Variants in MACROD2 observed in about 807,000 individuals in gnomAD.
MACROD2 encodes the protein mono-ADP ribosylhydrolase 2, also known as ADP-ribose glycohydrolase MACROD2.
In MACROD2, 36 loss-of-function variants were observed where a neutral mutation model predicts 70.4. The ratio of observed to expected loss-of-function variants is 0.51; its 90% CI spans 0.39 to 0.68. The LOEUF is 0.68. Among genes scored for constraint, MACROD2 ranks in the 30% least tolerant of loss-of-function variants. MACROD2 has a pLI of 0.00. For missense variants in MACROD2, 496 were observed against 538.4 expected (o/e 0.92, Z 0.78); for synonymous variants, 172 against 178.8 (o/e 0.96, Z 0.30).
chr20:15,483,451 C>T (rs1027888407), intron 7 of MACROD2, among the ~76,000 whole-genome samples: 6 of 152,164 alleles, frequency 3.9e-5, no homozygotes, highest in African/African-American at 1.4e-4. Context: ...GTCTTGATTA[C>T]TGAAGCTTTA....
At chr20:14,603,353 T>C (rs1002430503) in intron 4 of MACROD2, among the ~76,000 whole-genome samples, 7 of 152,174 alleles carry the variant, frequency 4.6e-5, no homozygotes, top group African/African-American at 2.4e-5. Context: ...TCAAGTCTGG[T>C]AGTGCACAAT....
At chr20:14,009,932 G>A (rs2052878520) in intron 2 of MACROD2, among the ~76,000 whole-genome samples, 1 of 152,148 alleles carries the variant, frequency 6.6e-6, no homozygotes, top group Non-Finnish European at 1.5e-5. Flanking sequence ...GAGAACACAT[G>A]GACACATTGT....
intron 13 of MACROD2, among the ~76,000 whole-genome samples, chr20:15,977,929 C>A (rs532779577): frequency 1.3e-5 from 2 of 152,176 alleles, no homozygotes; most frequent in African/African-American, 4.8e-5. Context: ...GAAAGCAGAA[C>A]TGAGATCACA....
At chr20:14,371,282 T>G (rs1258242263) in intron 3 of MACROD2, among the ~76,000 whole-genome samples, 1 of 152,130 alleles carries the variant, frequency 6.6e-6, no homozygotes, top group Admixed American at 6.5e-5. Flanking sequence ...GCCAGGAGTT[T>G]GAGACCAGCT....
chr20:14,022,093 C>T (rs1333228379), intron 2 of MACROD2, among the ~76,000 whole-genome samples: 2 of 152,130 alleles, frequency 1.3e-5, no homozygotes, highest in Non-Finnish European at 2.9e-5. Flanking sequence ...GAGGATGGAA[C>T]TGGAAAGTGA....
intron 8 of MACROD2, among the ~76,000 whole-genome samples, chr20:15,574,459 T>A (rs185771707): frequency 6.6e-6 from 1 of 152,160 alleles, no homozygotes; most frequent in African/African-American, 2.4e-5. Flanking sequence ...GAAGATTAAA[T>A]TTCTTAATAT....
intron 4 of MACROD2, among the ~76,000 whole-genome samples, chr20:14,643,318 T>A (rs1031197049): frequency 2.0e-5 from 3 of 152,200 alleles, no homozygotes; most frequent in African/African-American, 7.2e-5. Flanking sequence ...AACTTGTTGG[T>A]TGAGTGATGG....
At chr20:14,397,805 C>G (rs2083596300) in intron 3 of MACROD2, among the ~76,000 whole-genome samples, 1 of 152,090 alleles carries the variant, frequency 6.6e-6, no homozygotes, top group South Asian at 2.1e-4. Flanking sequence ...CTATTTTTCT[C>G]CACAGTGCCA....
intron 5 of MACROD2, among the ~76,000 whole-genome samples, chr20:14,916,602 A>G (rs1302109256): frequency 6.6e-6 from 1 of 152,198 alleles, no homozygotes; most frequent in Non-Finnish European, 1.5e-5. Context: ...GATAAAAAAT[A>G]AAATAGATAT....
intron 5 of MACROD2, among the ~76,000 whole-genome samples, chr20:14,786,790 T>A (rs988325079): frequency 2.0e-5 from 3 of 152,078 alleles, no homozygotes; most frequent in Admixed American, 2.0e-4. Context: ...CCCATTTCAC[T>A]TTTTAGTAAG....
intron 5 of MACROD2, among the ~76,000 whole-genome samples, chr20:15,034,545 G>C (rs1448875993): frequency 6.6e-6 from 1 of 152,084 alleles, no homozygotes; most frequent in African/African-American, 2.4e-5. Context: ...ATAATAGAAA[G>C]TACAAAGTTT....
rs538520113 is a variant in MACROD2 at position 16,042,689 on chromosome 20, G to C, written c.1231+1411G>C. On this transcript the variant is annotated intron_variant, in intron 16 of 17. Transcript: ENST00000684519. ...TCCTGCACACTCCCACACTGAGAAG[G>C]GTGAACTCACAATAACTTTGCAGAG... is the stretch of plus-strand genomic sequence containing the variant. 1.3e-4 allele frequency among the ~76,000 whole-genome samples: 20 copies of C among 152,080 alleles called. No individual in the cohort carries two copies. The South Asian group carries it at 3.9e-3, about 30-fold the overall frequency.
intron 6 of MACROD2, among the ~76,000 whole-genome samples, chr20:15,327,883 A>G (rs1012159634): frequency 9.9e-5 from 15 of 152,106 alleles, no homozygotes; most frequent in Admixed American, 2.6e-4. Flanking sequence ...TGCTTCTACT[A>G]TGTATCAGGG....
At position 15,012,043 on chromosome 20, in the gene MACROD2, T is replaced by C. The variant is rs901565201; in HGVS notation, c.419-217897T>C. On this transcript the variant is annotated intron_variant, in intron 5 of 17. Coordinates refer to ENST00000684519, the MANE Select transcript of MACROD2 (RefSeq NM_001351661.2). Reference sequence around the variant, plus strand: ...TACTGCTGGATGTTTCAGTTATATGTGATAGTAAATTCCTTTTATTAAAGG... The same window carrying C: ...TACTGCTGGATGTTTCAGTTATATGCGATAGTAAATTCCTTTTATTAAAGG... Among the ~76,000 whole-genome samples the C allele has an allele frequency of 3.9e-5, 6 of 152,338 alleles. No individual in the cohort carries two copies. In the East Asian group the frequency reaches 1.2e-3, roughly 29 times the overall value.
intron 4 of MACROD2, among the ~76,000 whole-genome samples, chr20:14,576,939 A>G (rs1980641480): frequency 6.6e-6 from 1 of 152,208 alleles, no homozygotes. Context: ...AATATACCTA[A>G]TAGTAGTCAT....
chr20:14,602,466 T>C (rs959435435), intron 4 of MACROD2, among the ~76,000 whole-genome samples: 14 of 152,158 alleles, frequency 9.2e-5, no homozygotes, highest in Non-Finnish European at 1.9e-4. Flanking sequence ...TATTTGGCCG[T>C]CTCCTTGCCT....
At chr20:14,496,314 A>C (rs1213905715) in intron 4 of MACROD2, among the ~76,000 whole-genome samples, 2 of 152,236 alleles carry the variant, frequency 1.3e-5, no homozygotes, top group Admixed American at 6.5e-5. Context: ...AATGGGACCT[A>C]AGTCCCCTTC....
intron 3 of MACROD2, among the ~76,000 whole-genome samples, chr20:14,218,188 G>A (rs961380023): frequency 1.3e-5 from 2 of 152,100 alleles, no homozygotes; most frequent in African/African-American, 4.8e-5. Context: ...ATAAATTTGG[G>A]AGCCCCAGTG....
chr20:14,011,924 T>G (rs2052914188), intron 2 of MACROD2, among the ~76,000 whole-genome samples: 1 of 150,846 alleles, frequency 6.6e-6, no homozygotes, highest in Non-Finnish European at 1.5e-5. Flanking sequence ...TTCTTTTTTT[T>G]TAAAGGCAGA....
Sources: allele counts gnomAD v4.1 joint callset (sites outside exome capture counted in the v4.1 genomes callset), GRCh38; gene constraint gnomAD v4.1.1; transcripts MANE v1.5; gene names NCBI Gene and HGNC (gene_info 2026-07-23, HGNC 2026-07-21).